ATM: variants seen among roughly 807,000 people sequenced by gnomAD.
ATM encodes the protein serine-protein kinase ATM.
Under a neutral mutation model 387.0 loss-of-function variants are expected in ATM, and 308 were observed. The observed-to-expected ratio is 0.80, with a 90% CI of 0.73 to 0.87. The LOEUF is 0.87. Ranked by LOEUF, ATM falls within the 40% of genes least tolerant of loss-of-function variation. ATM has a pLI of 0.00. For synonymous variants in ATM, 1,156 were observed against 1,187.3 expected (o/e 0.97, Z 0.54); for missense variants, 3,312 against 3,560.9 (o/e 0.93, Z 1.78).
intron 4 of ATM, among the ~76,000 whole-genome samples, chr11:108,231,256 C>T (rs899204721): frequency 3.9e-5 from 6 of 152,032 alleles, no homozygotes; most frequent in Admixed American, 2.6e-4. Flanking sequence ...GTTGATTTTT[C>T]GGAACCAAAA....
At chr11:108,269,676 T>C (rs2081466164) in intron 18 of ATM, among the ~76,000 whole-genome samples, 1 of 152,168 alleles carries the variant, frequency 6.6e-6, no homozygotes, top group South Asian at 2.1e-4. Flanking sequence ...GCAAGTTGGG[T>C]CCTAGGTCAT....
intron 61 of ATM, 182 bp downstream of exon 61, chr11:108,355,056 A>G: frequency 1.6e-6 from 1 of 608,962 alleles, no homozygotes; most frequent in Admixed American, 2.8e-5. Context: ...CTGGTTTAGA[A>G]ATGCCTTCAG....
At chr11:108,316,897 G>A (rs1413209123) in intron 42 of ATM, among the ~76,000 whole-genome samples, 1 of 151,854 alleles carries the variant, frequency 6.6e-6, no homozygotes, top group Non-Finnish European at 1.5e-5. Flanking sequence ...CTGCACTCCA[G>A]CCTGGGCAAT....
At chr11:108,260,959 A>G (rs907755929) in intron 16 of ATM, among the ~76,000 whole-genome samples, 3 of 151,368 alleles carry the variant, frequency 2.0e-5, no homozygotes, top group Admixed American at 6.6e-5. Flanking sequence ...CCACGAGATT[A>G]TATCCCGCAC....
chr11:108,229,077 T>A (rs2078876929), intron 3 of ATM, 101 bp from the exon 4 acceptor site: 1 of 1,172,878 alleles, frequency 8.5e-7, no homozygotes, highest in Non-Finnish European at 1.2e-6. Context: ...CTAAGCAAGG[T>A]GGTTTAAAAG....
chr11:108,331,640 C>T, intron 51 of ATM, 83 bp downstream of exon 51: 2 of 1,419,954 alleles, frequency 1.4e-6, no homozygotes, highest in Non-Finnish European at 1.9e-6. Flanking sequence ...TATACCATTC[C>T]CTCTAAGAAA....
At position 108,244,089 on chromosome 11, in the gene ATM, CT is replaced by C. The variant is rs786204543; in HGVS notation, c.640del (p.Ser214ProfsTer16). 3.1e-6 allele frequency: 5 copies of C among 1,613,756 alleles called. No individual in the cohort carries two copies. Among genetic ancestry groups the C allele is most frequent in the Admixed American group, 1.7e-5 (1 of 59,992 alleles). On this transcript the variant is annotated frameshift_variant, in exon 6 of 63. Transcript: ENST00000675843. LOFTEE classifies it high-confidence loss of function. ...TDGLNSKFLD[F>X]FSKAIQCARQ... ...ACGGATTAAATTCCAAATTTTTGGA[CT>C]TTTTTTCCAAGGCTATTCAGTGTGC...
intron 52 of ATM, among the ~76,000 whole-genome samples, chr11:108,332,495 T>C (rs1285371236): frequency 2.0e-5 from 3 of 152,188 alleles, no homozygotes; most frequent in Non-Finnish European, 2.9e-5. Context: ...TGTCAAAGCA[T>C]AGGAGATACC....
chr11:108,262,967 C>T lies in ATM; in HGVS notation c.2466+3892C>T, dbSNP rs1009586827. On this transcript the variant is annotated intron_variant, in intron 16 of 62. Coordinates refer to ENST00000675843, the MANE Select transcript of ATM (RefSeq NM_000051.4). ...AATATATATGCACCCACTACAGGAG[C>T]ACCCAGATTCATAAAGCAAGTCCTG... Among the ~76,000 whole-genome samples, 15 of 152,080 alleles carry T rather than the reference C, an allele frequency of 9.9e-5. 1 individual carries two copies. The East Asian group carries it at 2.7e-3, about 27-fold the overall frequency.
At chr11:108,246,847 G>T (rs1350706178) in intron 7 of ATM, 117 bp from the exon 8 acceptor site, 2 of 767,660 alleles carry the variant, frequency 2.6e-6, no homozygotes, top group Non-Finnish European at 4.4e-6. Context: ...TGAATGGAAG[G>T]TTGGACCAGG....
intron 29 of ATM, among the ~76,000 whole-genome samples, chr11:108,291,229 C>T (rs2082778817): frequency 6.6e-6 from 1 of 151,910 alleles, no homozygotes; most frequent in Non-Finnish European, 1.5e-5. Context: ...GAGCAAGACT[C>T]CGTCTCAAGA....
intron 22 of ATM, among the ~76,000 whole-genome samples, chr11:108,278,230 C>T (rs1420268034): frequency 6.6e-6 from 1 of 152,134 alleles, no homozygotes; most frequent in East Asian, 1.9e-4. Context: ...GTGTCTAACT[C>T]CTCAGGTTTG....
At chr11:108,354,005 C>G in intron 60 of ATM, 125 bp downstream of exon 60, 1 of 955,356 alleles carries the variant, frequency 1.0e-6, no homozygotes, top group Non-Finnish European at 1.6e-6. Context: ...TGTTTGAGCC[C>G]AGGAGTTTGA....
intron 18 of ATM, among the ~76,000 whole-genome samples, 199 bp downstream of exon 18, chr11:108,268,808 T>G (rs1349005631): frequency 6.6e-6 from 1 of 152,214 alleles, no homozygotes; most frequent in Non-Finnish European, 1.5e-5. Context: ...ATATTAAAAC[T>G]TAGATGGGTT....
At chr11:108,315,542 C>T (rs773504831) in intron 40 of ATM, among the ~76,000 whole-genome samples, 1 of 151,794 alleles carries the variant, frequency 6.6e-6, no homozygotes, top group Non-Finnish European at 1.5e-5. Flanking sequence ...TAGTTCTAAA[C>T]TGTGTGGTTT....
intron 37 of ATM, among the ~76,000 whole-genome samples, chr11:108,305,328 C>A (rs185092276): frequency 8.8e-4 from 134 of 152,310 alleles, no homozygotes; most frequent in African/African-American, 2.8e-3. Context: ...GCCTGTAATG[C>A]CAGCACTTTG....
chr11:108,336,211 GGGA>G, intron 56 of ATM: 1 of 401,584 alleles, frequency 2.5e-6, no homozygotes, highest in Non-Finnish European at 4.6e-6. Flanking sequence ...AGGCTGAGGT[GGGA>G]GGATCACTTG....
intron 45 of ATM, among the ~76,000 whole-genome samples, chr11:108,323,688 C>A (rs1484061889): frequency 1.3e-5 from 2 of 151,942 alleles, no homozygotes; most frequent in Non-Finnish European, 2.9e-5. Context: ...TATTATGTAT[C>A]CATAAAAATT....
In ATM at chr11:108,366,483, CTG is replaced by C. The variant is rs904238300; in HGVS notation, c.*977_*978del. Reference sequence around the variant, plus strand: ...ATAGTTCTATTAAATTTAGTTCCTGCTGTTTATATCTGTTGATTTTTGTATTT... The same window carrying C: ...ATAGTTCTATTAAATTTAGTTCCTGCTTTATATCTGTTGATTTTTGTATTT... On this transcript the variant is annotated 3_prime_UTR_variant, in exon 63 of 63. Transcript: ENST00000675843. 9 of 224,242 alleles carry C rather than the reference CTG, an allele frequency of 4.0e-5. No individual in the cohort carries two copies. Among genetic ancestry groups the C allele is most frequent in the African/African-American group, 1.3e-4 (6 of 44,904 alleles). 13.9% of individuals were successfully genotyped at this position (224,242 alleles called of 1,614,324 possible).
Sources: gnomAD v4.1 joint callset for allele counts (sites outside exome capture counted in the v4.1 genomes callset) on GRCh38, gnomAD v4.1.1 for gene constraint, MANE v1.5 for transcripts, NCBI Gene and HGNC (gene_info 2026-07-23, HGNC 2026-07-21) for gene names.